Variants in GRID1 observed in about 807,000 individuals in gnomAD.
The protein encoded by GRID1 is glutamate receptor ionotropic, delta-1.
GRID1 carries 28 observed loss-of-function variants against 98.0 expected under a neutral mutation model. That is an observed-to-expected ratio of 0.29 (90% CI 0.21 to 0.39). The LOEUF is 0.39. Among genes scored for constraint, GRID1 ranks in the 10% least tolerant of loss-of-function variants. The pLI, the probability that GRID1 is intolerant of heterozygous loss-of-function variation, is 1.00. For missense variants in GRID1, 1,111 were observed against 1,340.5 expected (o/e 0.83, Z 2.67); for synonymous variants, 553 against 538.5 (o/e 1.03, Z -0.37).
chr10:85,671,885 C>T (rs1044451829), intron 12 of GRID1, among the ~76,000 whole-genome samples: 1 of 152,228 alleles, frequency 6.6e-6, no homozygotes, highest in Non-Finnish European at 1.5e-5. Flanking sequence ...ATCAACAGGA[C>T]ATTCCCTTAA....
chr10:86,155,685 C>T (rs529742927), intron 3 of GRID1, among the ~76,000 whole-genome samples: 54 of 152,324 alleles, frequency 3.5e-4, no homozygotes, highest in African/African-American at 1.3e-3. Flanking sequence ...CTCCACTCCC[C>T]TGCCTTTTTC....
chr10:85,981,728 AG>A (rs1473548197), intron 4 of GRID1, among the ~76,000 whole-genome samples: 1 of 152,192 alleles, frequency 6.6e-6, no homozygotes, highest in Non-Finnish European at 1.5e-5. Context: ...TAGATGCTCC[AG>A]GCACCTACTA....
chr10:86,363,799 G>A, intron 2 of GRID1, 142 bp downstream of exon 2: 2 of 680,834 alleles, frequency 2.9e-6, no homozygotes, highest in Non-Finnish European at 4.8e-6. Flanking sequence ...CGGGGAAGGC[G>A]CGCCACCGCG....
chr10:85,934,041 A>G (rs537035770), intron 4 of GRID1, among the ~76,000 whole-genome samples: 1 of 152,260 alleles, frequency 6.6e-6, no homozygotes, highest in South Asian at 2.1e-4. Context: ...TTTGCAGGCA[A>G]GAAGGGAAGC....
intron 4 of GRID1, among the ~76,000 whole-genome samples, chr10:86,049,700 GC>G (rs1843474142): frequency 6.6e-6 from 1 of 152,202 alleles, no homozygotes. Context: ...GCATTGCTTG[GC>G]TTTGACTACC....
At chr10:86,066,236 T>G (rs576424052) in intron 4 of GRID1, among the ~76,000 whole-genome samples, 9 of 152,232 alleles carry the variant, frequency 5.9e-5, no homozygotes, top group Admixed American at 5.9e-4. Flanking sequence ...AGAGACGAAT[T>G]CAGGGATGTT....
intron 4 of GRID1, among the ~76,000 whole-genome samples, chr10:85,982,749 C>A (rs1374198242): frequency 6.6e-6 from 1 of 152,188 alleles, no homozygotes; most frequent in Non-Finnish European, 1.5e-5. Flanking sequence ...ATCAGGACCT[C>A]AGCAAAAGTG....
intron 2 of GRID1, among the ~76,000 whole-genome samples, chr10:86,318,713 G>C (rs1847931132): frequency 6.6e-6 from 1 of 152,178 alleles, no homozygotes; most frequent in African/African-American, 2.4e-5. Context: ...AGGGCAATCT[G>C]CTAGATACTC....
chr10:86,093,388 G>GAA (rs539263812), intron 4 of GRID1, among the ~76,000 whole-genome samples: 75 of 121,658 alleles, frequency 6.2e-4, no homozygotes, highest in Admixed American at 1.1e-3. Context: ...AAATGAAACT[G>GAA]AAAAAAAAAA....
intron 2 of GRID1, among the ~76,000 whole-genome samples, chr10:86,330,704 C>A (rs1205653080): frequency 6.6e-6 from 1 of 152,220 alleles, no homozygotes; most frequent in Non-Finnish European, 1.5e-5. Context: ...AGAAAATAAT[C>A]CTGGTGTGGC....
chr10:86,002,528 T>G (rs1478427234), intron 4 of GRID1, among the ~76,000 whole-genome samples: 1 of 152,082 alleles, frequency 6.6e-6, no homozygotes, highest in African/African-American at 2.4e-5. Context: ...CAAAATGCCT[T>G]GTTTAACCTC....
chr10:85,994,075 A>C (rs1354343345), intron 4 of GRID1, among the ~76,000 whole-genome samples: 1 of 152,198 alleles, frequency 6.6e-6, no homozygotes, highest in African/African-American at 2.4e-5. Context: ...GAACCAGCTA[A>C]TCAAACATGT....
intron 4 of GRID1, among the ~76,000 whole-genome samples, chr10:86,137,344 AAAT>A (rs1844942295): frequency 6.6e-6 from 1 of 152,226 alleles, no homozygotes; most frequent in African/African-American, 2.4e-5. Context: ...AAGGTCACAC[AAAT>A]AATAAGTCAA....
chr10:86,303,651 G>A (rs188009249), intron 2 of GRID1, among the ~76,000 whole-genome samples: 207 of 152,324 alleles, frequency 1.4e-3, no homozygotes, highest in Middle Eastern at 0.01. Flanking sequence ...TGGACATCGC[G>A]TTGCCCCACA....
At chr10:85,737,000 G>C (rs1841889840) in intron 8 of GRID1, among the ~76,000 whole-genome samples, 1 of 152,130 alleles carries the variant, frequency 6.6e-6, no homozygotes, top group Admixed American at 6.6e-5. Flanking sequence ...CTGGGCCTTG[G>C]AGGGTATGAG....
intron 12 of GRID1, among the ~76,000 whole-genome samples, chr10:85,685,652 C>G (rs1487437818): frequency 6.6e-6 from 1 of 151,970 alleles, no homozygotes; most frequent in Non-Finnish European, 1.5e-5. Flanking sequence ...CATAGATTTA[C>G]TAGGAAGTTA....
At chr10:85,949,684 T>C (rs1842095269) in intron 4 of GRID1, among the ~76,000 whole-genome samples, 1 of 152,188 alleles carries the variant, frequency 6.6e-6, no homozygotes, top group Non-Finnish European at 1.5e-5. Context: ...TTTGAACACA[T>C]TATTTAACCT....
At position 85,775,441 on chromosome 10, in the gene GRID1, C is replaced by A. The variant is rs181851015; in HGVS notation, c.1234-45827G>T. 2.6e-4 allele frequency among the ~76,000 whole-genome samples: 39 copies of A among 151,972 alleles called. 1 individual carries two copies. The East Asian group carries it at 5.4e-3, about 21-fold the overall frequency. ...TGTATACATATGTAACTAACCTGCA[C>A]ATTGTGCACATGTACCCTAAAATCT... is the stretch of plus-strand genomic sequence containing the variant. On this transcript the variant is annotated intron_variant, in intron 8 of 15. Transcript: ENST00000327946.
chr10:85,915,161 G>T (rs1841595422), intron 5 of GRID1, among the ~76,000 whole-genome samples: 1 of 151,870 alleles, frequency 6.6e-6, no homozygotes, highest in Non-Finnish European at 1.5e-5. Flanking sequence ...CCCTTTACAT[G>T]GGTACACTTA....
Sources: gnomAD v4.1 joint callset for allele counts (sites outside exome capture counted in the v4.1 genomes callset) on GRCh38, gnomAD v4.1.1 for gene constraint, MANE v1.5 for transcripts, NCBI Gene and HGNC (gene_info 2026-07-23, HGNC 2026-07-21) for gene names.